The following NSMCE2 variants were observed in gnomAD, a reference collection of about 807,000 sequenced individuals.
NSMCE2 encodes the protein NSE2 SUMO ligase component of SMC5/6 complex.
Under a neutral mutation model 23.8 loss-of-function variants are expected in NSMCE2, and 24 were observed. That is an observed-to-expected ratio of 1.01 (90% CI 0.73 to 1.42). NSMCE2 has a LOEUF of 1.42. Among genes scored for constraint, NSMCE2 ranks in the 40% most tolerant of loss-of-function variants. NSMCE2 has a pLI of 0.00. For missense variants in NSMCE2, 284 were observed against 296.5 expected, an observed-to-expected ratio of 0.96 and a Z score of 0.31; for synonymous variants, 92 against 94.1, an observed-to-expected ratio of 0.98 and a Z score of 0.13.
intron 5 of NSMCE2, among the ~76,000 whole-genome samples, chr8:125,236,525 G>A (rs995196920): frequency 6.6e-6 from 1 of 152,016 alleles, no homozygotes; most frequent in Non-Finnish European, 1.5e-5. Flanking sequence ...GAATGGAAAT[G>A]TTTGCATATG....
At chr8:125,160,225 G>A (rs1031418708) in intron 4 of NSMCE2, among the ~76,000 whole-genome samples, 2 of 152,132 alleles carry the variant, frequency 1.3e-5, no homozygotes, top group African/African-American at 4.8e-5. Context: ...GTTTCATTAA[G>A]GATGAAAGTG....
intron 5 of NSMCE2, among the ~76,000 whole-genome samples, chr8:125,201,421 A>T (rs200235110): frequency 6.6e-6 from 1 of 152,162 alleles, no homozygotes; most frequent in Non-Finnish European, 1.5e-5. Flanking sequence ...CCTTCTAACA[A>T]TCAGGTCCCT....
intron 5 of NSMCE2, among the ~76,000 whole-genome samples, chr8:125,271,682 T>A (rs567100780): frequency 6.6e-6 from 1 of 152,212 alleles, no homozygotes; most frequent in Admixed American, 6.5e-5. Flanking sequence ...TCAGGTTTCA[T>A]AGGCAGGAGC....
rs527857783 is a variant in NSMCE2, at chr8:125,162,627, A to G, written c.264+11350A>G. On this transcript the variant is annotated intron_variant, in intron 4 of 7. Coordinates refer to ENST00000287437, the MANE Select transcript of NSMCE2 (RefSeq NM_173685.4). ...GTGATTTCTTGATTAAAAAAATGAGATAACATTATGTGAAAGTACTTGGGA... is the reference window on the plus strand; with the variant it reads ...GTGATTTCTTGATTAAAAAAATGAGGTAACATTATGTGAAAGTACTTGGGA... 3.3e-5 allele frequency among the ~76,000 whole-genome samples: 5 copies of G among 152,240 alleles called. No individual in the cohort carries two copies. The East Asian group carries it at 9.6e-4, about 29-fold the overall frequency.
At chr8:125,146,390 A>G (rs141997624) in intron 3 of NSMCE2, among the ~76,000 whole-genome samples, 2 of 152,328 alleles carry the variant, frequency 1.3e-5, no homozygotes, top group East Asian at 1.9e-4. Flanking sequence ...TGGAAATAGA[A>G]CTACCTAACT....
intron 3 of NSMCE2, among the ~76,000 whole-genome samples, chr8:125,116,933 T>C (rs1194607818): frequency 6.9e-6 from 1 of 144,122 alleles, no homozygotes; most frequent in African/African-American, 2.6e-5. Context: ...TGTCACCCAC[T>C]CTGGTGGGCA....
At chr8:125,238,314 A>G (rs1487257754) in intron 5 of NSMCE2, among the ~76,000 whole-genome samples, 1 of 152,216 alleles carries the variant, frequency 6.6e-6, no homozygotes, top group Non-Finnish European at 1.5e-5. Context: ...TAGCATTTCA[A>G]AGGGTTTCAA....
At chr8:125,360,479 C>T (rs772143511) in intron 7 of NSMCE2, among the ~76,000 whole-genome samples, 2 of 152,198 alleles carry the variant, frequency 1.3e-5, no homozygotes, top group African/African-American at 2.4e-5. Context: ...GCCTTAGCAC[C>T]CTGGTGCCAA....
intron 5 of NSMCE2, among the ~76,000 whole-genome samples, chr8:125,326,467 T>C (rs1344391665): frequency 6.6e-6 from 1 of 151,994 alleles, no homozygotes; most frequent in Non-Finnish European, 1.5e-5. Context: ...ATAGTTTGTG[T>C]ATATACACTG....
At chr8:125,186,049 C>T (rs1233508059) in intron 5 of NSMCE2, among the ~76,000 whole-genome samples, 1 of 152,180 alleles carries the variant, frequency 6.6e-6, no homozygotes, top group South Asian at 2.1e-4. Context: ...GGCCATGGAC[C>T]GAATTCAGCC....
chr8:125,243,704 G>C (rs561786370), intron 5 of NSMCE2, among the ~76,000 whole-genome samples: 1 of 152,184 alleles, frequency 6.6e-6, no homozygotes, highest in Non-Finnish European at 1.5e-5. Context: ...ATGTGTGAGA[G>C]TCAGGTAAGG....
chr8:125,364,830 G>A (rs1586825641), intron 7 of NSMCE2, among the ~76,000 whole-genome samples: 1 of 152,258 alleles, frequency 6.6e-6, no homozygotes, highest in South Asian at 2.1e-4. Context: ...TAACTCAGAG[G>A]CAAGGGAGGC....
At position 125,298,704 on chromosome 8, in the gene NSMCE2, T is replaced by G. The variant is rs533923570; in HGVS notation, c.419-58515T>G. On this transcript the variant is annotated intron_variant, in intron 5 of 7. Coordinates refer to ENST00000287437, the MANE Select transcript of NSMCE2 (RefSeq NM_173685.4). Reference sequence around the variant, plus strand: ...ATCTGTGGGTTTTTTTTTGTTTTTTTTTTTTTTTCCCCAGTTTAGGTCTTA... The same window carrying G: ...ATCTGTGGGTTTTTTTTTGTTTTTTGTTTTTTTTCCCCAGTTTAGGTCTTA... Among the ~76,000 whole-genome samples, 147 of 151,544 alleles carry G rather than the reference T, an allele frequency of 9.7e-4. 3 individuals are homozygous for G. The East Asian group carries it at 0.02, about 20-fold the overall frequency.
At chr8:125,321,028 C>CT (rs1246188785) in intron 5 of NSMCE2, among the ~76,000 whole-genome samples, 1 of 152,168 alleles carries the variant, frequency 6.6e-6, no homozygotes, top group African/African-American at 2.4e-5. Flanking sequence ...CACAAGAACT[C>CT]TATCATGAGA....
intron 4 of NSMCE2, among the ~76,000 whole-genome samples, chr8:125,153,781 A>T (rs1462574236): frequency 6.6e-6 from 1 of 152,238 alleles, no homozygotes; most frequent in Non-Finnish European, 1.5e-5. Context: ...ATGCTTTGGC[A>T]TTCATCAAAT....
At chr8:125,145,151 A>G (rs1385213089) in intron 3 of NSMCE2, among the ~76,000 whole-genome samples, 1 of 152,212 alleles carries the variant, frequency 6.6e-6, no homozygotes, top group Non-Finnish European at 1.5e-5. Context: ...GGAAAAAGCA[A>G]AATGAAATAG....
rs1818221285 is a variant in NSMCE2, at chr8:125,102,125, C to G, written c.-36C>G. ...CACTTACCTTCCCCATATATTGAGT[C>G]CAGCTGTGTTTGGTGGCCCAGGTGA... On this transcript the variant is annotated 5_prime_UTR_variant, in exon 2 of 8. Transcript: ENST00000287437. 1.5e-5 allele frequency: 8 copies of G among 527,650 alleles called. No individual in the cohort carries two copies. The East Asian group carries it at 2.5e-4, about 16-fold the overall frequency. 32.7% of individuals were successfully genotyped at this position (527,650 alleles called of 1,614,324 possible). A position where few individuals can be genotyped will look rare whatever the true frequency, so the allele number is the denominator to read the frequency against.
At chr8:125,103,222 C>G (rs1396719099) in intron 3 of NSMCE2, among the ~76,000 whole-genome samples, 1 of 152,026 alleles carries the variant, frequency 6.6e-6, no homozygotes, top group Non-Finnish European at 1.5e-5. Flanking sequence ...AGGAGAATCA[C>G]TTGAACCCGG....
intron 5 of NSMCE2, among the ~76,000 whole-genome samples, chr8:125,190,992 T>C (rs962198373): frequency 3.3e-5 from 5 of 152,116 alleles, no homozygotes; most frequent in Non-Finnish European, 7.4e-5. Context: ...TGCCTCAGCC[T>C]CCCGAGTAGC....
Sources: allele counts gnomAD v4.1 joint callset (sites outside exome capture counted in the v4.1 genomes callset), GRCh38; gene constraint gnomAD v4.1.1; transcripts MANE v1.5; gene names NCBI Gene and HGNC (gene_info 2026-07-23, HGNC 2026-07-21).